The following PARD3B variants were observed in gnomAD, a reference collection of about 807,000 sequenced individuals.
PARD3B encodes par-3 family cell polarity regulator beta, also known as partitioning defective 3 homolog B.
PARD3B carries 103 observed loss-of-function variants against 130.2 expected under a neutral mutation model. The observed-to-expected ratio is 0.79, with a 90% confidence interval of 0.67 to 0.93. PARD3B has a LOEUF of 0.93. Ranked by LOEUF, PARD3B falls within the 40% of genes least tolerant of loss-of-function variation. PARD3B has a pLI of 0.00. For synonymous variants in PARD3B, 583 were observed against 553.2 expected, an observed-to-expected ratio of 1.05 and a Z score of -0.76; for missense variants, 1,609 against 1,499.2, an observed-to-expected ratio of 1.07 and a Z score of -1.21.
chr2:204,961,157 A>G (rs1048536543), intron 2 of PARD3B, among the ~76,000 whole-genome samples: 3 of 152,186 alleles, frequency 2.0e-5, no homozygotes, highest in Non-Finnish European at 4.4e-5. Context: ...GAGGTGGGAA[A>G]GTATTAAAGG....
At chr2:204,996,351 C>A (rs1197156465) in intron 3 of PARD3B, among the ~76,000 whole-genome samples, 1 of 152,050 alleles carries the variant, frequency 6.6e-6, no homozygotes. Context: ...TGTGAGGTGT[C>A]AGTGTGCCCC....
intron 2 of PARD3B, among the ~76,000 whole-genome samples, chr2:204,905,917 G>C (rs770698795): frequency 6.6e-6 from 1 of 152,176 alleles, no homozygotes; most frequent in African/African-American, 2.4e-5. Flanking sequence ...AAGCAGTTAA[G>C]TCAGTGGAAA....
intron 1 of PARD3B, among the ~76,000 whole-genome samples, chr2:204,561,893 G>A (rs555167634): frequency 9.9e-5 from 15 of 152,078 alleles, no homozygotes; most frequent in Non-Finnish European, 1.6e-4. Context: ...CACCGCGCCC[G>A]GCCATCTCCC....
chr2:205,068,787 G>T (rs1054414168), intron 4 of PARD3B, among the ~76,000 whole-genome samples: 1 of 151,848 alleles, frequency 6.6e-6, no homozygotes, highest in African/African-American at 2.4e-5. Context: ...CCCCTTTACC[G>T]TATGAATTAT....
At chr2:205,150,477 T>C (rs1027941029) in intron 10 of PARD3B, among the ~76,000 whole-genome samples, 6 of 152,148 alleles carry the variant, frequency 3.9e-5, no homozygotes, top group Non-Finnish European at 7.3e-5. Flanking sequence ...ACCAGGATTC[T>C]TGGAGGGAGG....
intron 5 of PARD3B, among the ~76,000 whole-genome samples, chr2:205,108,098 C>T (rs1703355859): frequency 6.6e-6 from 1 of 152,122 alleles, no homozygotes; most frequent in East Asian, 1.9e-4. Flanking sequence ...TTGCAGAGGC[C>T]ATCTCAAAAT....
intron 1 of PARD3B, among the ~76,000 whole-genome samples, chr2:204,651,846 C>CAG (rs914247772): frequency 6.6e-6 from 1 of 152,212 alleles, no homozygotes; most frequent in African/African-American, 2.4e-5. Context: ...TGCACACCCA[C>CAG]AGGCCAAACA....
chr2:205,401,168 C>T (rs372567731), intron 19 of PARD3B, 45 bp downstream of exon 19: 20 of 1,450,396 alleles, frequency 1.4e-5, no homozygotes, highest in Non-Finnish European at 1.8e-5. Flanking sequence ...ACTCTATGGT[C>T]TGGGTTTAAT....
Position 205,375,237 on chromosome 2 carries a change from G to T in PARD3B, c.2631-25776G>T, listed in dbSNP as rs117285565. On this transcript the variant is annotated intron_variant, in intron 18 of 22. Transcript: ENST00000406610. ...TATTTATGGATAAAAATTATTTAAC[G>T]TGCATAAAGTACTGTGAAATACAAT... 2.6e-5 allele frequency among the ~76,000 whole-genome samples: 4 copies of T among 152,186 alleles called. No individual in the cohort carries two copies. The South Asian group carries it at 6.2e-4, about 24-fold the overall frequency.
In PARD3B at chr2:204,671,128, C is replaced by T. The variant is rs769143263; in HGVS notation, c.121-15053C>T. 1.1e-3 allele frequency among the ~76,000 whole-genome samples: 169 copies of T among 152,202 alleles called. 2 individuals are homozygous for T. Among genetic ancestry groups the T allele is most frequent in the Non-Finnish European group, 5.7e-4 (39 of 68,016 alleles). Reference sequence around the variant, plus strand: ...GTCCCTCATTTTGGTGGAGCACATTCGTCTAATCACCTGTCAGGAGTGACT... The same window carrying T: ...GTCCCTCATTTTGGTGGAGCACATTTGTCTAATCACCTGTCAGGAGTGACT... On this transcript the variant is annotated intron_variant, in intron 1 of 22. Coordinates refer to ENST00000406610, the MANE Select transcript of PARD3B (RefSeq NM_001302769.2).
At chr2:205,602,211 TC>T (rs1417780316) in intron 22 of PARD3B, among the ~76,000 whole-genome samples, 1 of 152,210 alleles carries the variant, frequency 6.6e-6, no homozygotes, top group African/African-American at 2.4e-5. Flanking sequence ...CAGCCTTACA[TC>T]CCCGGGATAA....
At chr2:204,712,147 T>C (rs2038469456) in intron 2 of PARD3B, among the ~76,000 whole-genome samples, 1 of 152,232 alleles carries the variant, frequency 6.6e-6, no homozygotes, top group African/African-American at 2.4e-5. Context: ...AGGGAGTTTA[T>C]ATCATATATT....
At chr2:204,902,773 T>C (rs2046915295) in intron 2 of PARD3B, among the ~76,000 whole-genome samples, 1 of 152,220 alleles carries the variant, frequency 6.6e-6, no homozygotes, top group Non-Finnish European at 1.5e-5. Flanking sequence ...CTTTCTCTTT[T>C]AGAAACTTTA....
At chr2:205,358,921 C>G (rs529600284) in intron 18 of PARD3B, among the ~76,000 whole-genome samples, 100 of 152,262 alleles carry the variant, frequency 6.6e-4, no homozygotes, top group African/African-American at 2.3e-3. Context: ...ATCATTCTTT[C>G]CTCTGAACTT....
At position 204,610,714 on chromosome 2, in the gene PARD3B, CT is replaced by C. The variant is rs1255818588; in HGVS notation, c.120+64597del. ...TTAGTCTACTTCAGGACAGGTGCCT[CT>C]TCTCTCTCTAGATAGAAGGAGAAAC... On this transcript the variant is annotated intron_variant, in intron 1 of 22. Coordinates refer to ENST00000406610, the MANE Select transcript of PARD3B (RefSeq NM_001302769.2). This position sits in a 1 kb window ranked among gnomAD's most constrained non-coding sequence, Gnocchi z 4.1. Among the ~76,000 whole-genome samples the C allele has an allele frequency of 1.1e-4, 17 of 152,304 alleles. No individual in the cohort carries two copies. The highest frequency in any genetic ancestry group is 3.8e-4 in the African/African-American group (16 of 41,572).
At chr2:204,612,916 A>G (rs1258005701) in intron 1 of PARD3B, among the ~76,000 whole-genome samples, 1 of 151,750 alleles carries the variant, frequency 6.6e-6, no homozygotes, top group Non-Finnish European at 1.5e-5. Flanking sequence ...CCCAGTTCCC[A>G]TCCCTCATTC....
At chr2:204,600,169 T>C (rs2033452596) in intron 1 of PARD3B, among the ~76,000 whole-genome samples, 1 of 151,952 alleles carries the variant, frequency 6.6e-6, no homozygotes, top group Non-Finnish European at 1.5e-5. Flanking sequence ...AGAATCATTT[T>C]AGTTTGTATA....
chr2:205,409,074 A>G (rs2046508177), intron 19 of PARD3B, among the ~76,000 whole-genome samples: 1 of 152,194 alleles, frequency 6.6e-6, no homozygotes, highest in Admixed American at 6.6e-5. Context: ...CATGGAAGTT[A>G]TGAAAAATCT....
intron 20 of PARD3B, among the ~76,000 whole-genome samples, chr2:205,467,542 C>G (rs1309670202): frequency 6.6e-6 from 1 of 152,032 alleles, no homozygotes; most frequent in Non-Finnish European, 1.5e-5. Context: ...TCAATATATG[C>G]AAAATATATT....
Sources: allele counts gnomAD v4.1 joint callset (sites outside exome capture counted in the v4.1 genomes callset), GRCh38; gene constraint gnomAD v4.1.1; non-coding constraint Gnocchi (gnomAD v3.1); transcripts MANE v1.5; gene names NCBI Gene and HGNC (gene_info 2026-07-23, HGNC 2026-07-21).